Variants in PYGB observed in about 807,000 individuals in gnomAD.
PYGB encodes the protein glycogen phosphorylase, brain form.
PYGB carries 82 observed loss-of-function variants against 94.3 expected under a neutral mutation model. That is an observed-to-expected ratio of 0.87 (90% confidence interval 0.73 to 1.04). The LOEUF is 1.04. Among genes scored for constraint, PYGB ranks in the 50% least tolerant of loss-of-function variants. The probability of loss-of-function intolerance (pLI) is 0.00; values close to 1 mark genes in which losing one functional copy is unlikely to be tolerated. For missense variants in PYGB, 1,132 were observed against 1,158.2 expected (o/e 0.98, Z 0.33); for synonymous variants, 488 against 479.1 (o/e 1.02, Z -0.24).
intron 1 of PYGB, among the ~76,000 whole-genome samples, chr20:25,254,931 A>C (rs1056565692): frequency 6.6e-6 from 1 of 152,224 alleles, no homozygotes; most frequent in Admixed American, 6.5e-5. Flanking sequence ...CTAAAGTTCT[A>C]TAATTCTTTT....
intron 17 of PYGB, 171 bp from the exon 18 acceptor site, chr20:25,293,987 T>C (rs2088500499): frequency 2.5e-6 from 2 of 785,892 alleles, no homozygotes; most frequent in Non-Finnish European, 4.0e-6. Flanking sequence ...AGGTCCCTGC[T>C]CAAGGGCCTC....
intron 2 of PYGB, among the ~76,000 whole-genome samples, chr20:25,260,258 G>A (rs2092910575): frequency 6.6e-6 from 1 of 152,192 alleles, no homozygotes; most frequent in Non-Finnish European, 1.5e-5. Flanking sequence ...ATTAGGGCAT[G>A]TCTGTAAGAA....
intron 14 of PYGB, chr20:25,284,812 T>C (rs2088403074): frequency 6.6e-6 from 1 of 152,338 alleles, no homozygotes; most frequent in African/African-American, 2.4e-5. Context: ...ATTTAAAGTA[T>C]ACTTACAAAA....
chr20:25,265,874 C>T (rs527608180), intron 2 of PYGB, among the ~76,000 whole-genome samples: 9 of 152,282 alleles, frequency 5.9e-5, no homozygotes, highest in Non-Finnish European at 1.0e-4. Context: ...GGATTACAGG[C>T]GTGAGCCACC....
At chr20:25,265,470 T>C (rs1442723136) in intron 2 of PYGB, among the ~76,000 whole-genome samples, 2 of 152,240 alleles carry the variant, frequency 1.3e-5, no homozygotes, top group Non-Finnish European at 2.9e-5. Flanking sequence ...ATGTTCCTGA[T>C]AACTAATGAT....
rs146361543 is a variant in PYGB at position 25,296,514 on chromosome 20, C to G, written c.2524C>G (p.Arg842Gly). 1 of 1,612,882 alleles carries G rather than the reference C, an allele frequency of 6.2e-7. No homozygotes were observed. The highest frequency in any genetic ancestry group is 8.5e-7 in the Non-Finnish European group (1 of 1,179,558). ...GCAGATCCCGCCCCCCAACATCCCC[C>G]GGGACTAGGCACACCCTGCCTTGGC... ...DLQIPPPNIP[R>G]D Residue 842 changes from arginine (R) to glycine (G), a missense_variant, in exon 20 of 20, where the codon CGG becomes GGG. Physicochemically the swap from Arg to Gly is moderately radical, Grantham distance 125. Coordinates refer to ENST00000216962, the MANE Select transcript of PYGB (RefSeq NM_002862.4).
intron 8 of PYGB, 83 bp downstream of exon 8, chr20:25,278,545 A>G: frequency 6.5e-7 from 1 of 1,546,890 alleles, no homozygotes. Flanking sequence ...ATGTCCCAAA[A>G]GGGGCTAGAG....
intron 14 of PYGB, among the ~76,000 whole-genome samples, chr20:25,286,778 C>T (rs2088421903): frequency 6.6e-6 from 1 of 152,090 alleles, no homozygotes; most frequent in Non-Finnish European, 1.5e-5. Context: ...CCTTGGTGGC[C>T]CCCAGGACTG....
At chr20:25,266,656 A>T (rs2088220888) in intron 2 of PYGB, among the ~76,000 whole-genome samples, 1 of 152,362 alleles carries the variant, frequency 6.6e-6, no homozygotes, top group South Asian at 2.1e-4. Flanking sequence ...TCCAGAATAT[A>T]TGTAAAGAAC....
chr20:25,275,670 T>G (rs2088304862), intron 5 of PYGB, among the ~76,000 whole-genome samples: 1 of 152,174 alleles, frequency 6.6e-6, no homozygotes, highest in Non-Finnish European at 1.5e-5. Context: ...GATGTGTTTG[T>G]GGATGAGCAT....
At chr20:25,276,839 C>A in intron 6 of PYGB, 82 bp downstream of exon 6, 1 of 1,330,876 alleles carries the variant, frequency 7.5e-7, no homozygotes, top group Non-Finnish European at 1.1e-6. Flanking sequence ...TTTACCGCGC[C>A]CTGTGGCTCA....
At chr20:25,268,157 A>ACCCCCCCCCCCCCCC (rs375575044) in intron 2 of PYGB, among the ~76,000 whole-genome samples, 4 of 28,326 alleles carry the variant, frequency 1.4e-4, no homozygotes, top group Admixed American at 4.5e-4. Flanking sequence ...AAATCCTAGC[A>ACCCCCCCCCCCCCCC]CCCGCCCCCC....
intron 1 of PYGB, among the ~76,000 whole-genome samples, 200 bp downstream of exon 1, chr20:25,248,621 G>C (rs1339575879): frequency 6.6e-6 from 1 of 151,850 alleles, no homozygotes; most frequent in Non-Finnish European, 1.5e-5. Flanking sequence ...GCAGGGCCGC[G>C]GCCACGGGTC....
At chr20:25,257,627 G>A (rs984003952) in intron 1 of PYGB, among the ~76,000 whole-genome samples, 5 of 152,124 alleles carry the variant, frequency 3.3e-5, no homozygotes, top group Admixed American at 1.3e-4. Flanking sequence ...CCAGGAGTTT[G>A]CAGCCAGCCT....
chr20:25,264,136 A>G (rs1449029646), intron 2 of PYGB, among the ~76,000 whole-genome samples: 1 of 152,228 alleles, frequency 6.6e-6, no homozygotes, highest in African/African-American at 2.4e-5. Context: ...ATGCAAATCA[A>G]CAAACGTAAT....
At position 25,259,268 on chromosome 20, in the gene PYGB, T is replaced by C. The variant is rs2092908535; in HGVS notation, c.275T>C (p.Met92Thr). The C allele has an allele frequency of 6.2e-7, 1 of 1,610,264 alleles. No individual in the cohort carries two copies. Among genetic ancestry groups the C allele is most frequent in the Non-Finnish European group, 8.5e-7 (1 of 1,176,536 alleles). Residue 92 changes from methionine to threonine, a missense_variant, in exon 2 of 20, where the codon ATG (methionine) becomes ACG (threonine). By Grantham distance (81) the Met-to-Thr change is moderately conservative. Transcript: ENST00000216962. ...RIYYLSLEFYMGRTLQNTMVN... is the reference protein window; with the variant it reads ...RIYYLSLEFYTGRTLQNTMVN... Reference sequence around the variant, plus strand: ...TATTATCTTTCCCTGGAATTCTACATGGGTCGCACGCTGCAGAACACGATG... The same window carrying C: ...TATTATCTTTCCCTGGAATTCTACACGGGTCGCACGCTGCAGAACACGATG...
intron 6 of PYGB, among the ~76,000 whole-genome samples, chr20:25,276,959 G>A (rs1451295225): frequency 6.6e-6 from 1 of 152,016 alleles, no homozygotes; most frequent in Admixed American, 6.5e-5. Flanking sequence ...GGGCCTACAG[G>A]CAGAGCGACC....
chr20:25,252,271 A>G (rs1448495747), intron 1 of PYGB, among the ~76,000 whole-genome samples: 1 of 152,230 alleles, frequency 6.6e-6, no homozygotes, highest in Non-Finnish European at 1.5e-5. Context: ...TCTGCAGAAG[A>G]CAGCCTGGCC....
In PYGB at chr20:25,271,578, G is replaced by A. The variant is rs540015938; in HGVS notation, c.528+92G>A. 557 of 1,382,390 alleles carry A rather than the reference G, an allele frequency of 4.0e-4. 1 individual carries two copies. The highest frequency in any genetic ancestry group is 5.0e-4 in the Non-Finnish European group (490 of 976,126). The allele number at this position is 1,382,390 out of a possible 1,614,324, so 85.6% of individuals were successfully genotyped here. ...CAGTTTGTCTTTTTATACTTCCCACGCCCCCGCCAGGGGACTGCAGGCCGG... is the reference window on the plus strand; with the variant it reads ...CAGTTTGTCTTTTTATACTTCCCACACCCCCGCCAGGGGACTGCAGGCCGG... On this transcript the variant is annotated intron_variant, in intron 4 of 19. Coordinates refer to ENST00000216962, the MANE Select transcript of PYGB (RefSeq NM_002862.4).
Sources: allele counts gnomAD v4.1 joint callset (sites outside exome capture counted in the v4.1 genomes callset), GRCh38; gene constraint gnomAD v4.1.1; transcripts MANE v1.5; gene names NCBI Gene and HGNC (gene_info 2026-07-23, HGNC 2026-07-21).